IL15: variants seen among roughly 807,000 people sequenced by gnomAD.
IL15 encodes interleukin 15.
In IL15, 11 loss-of-function variants were observed where a neutral mutation model predicts 19.6. The ratio of observed to expected loss-of-function variants is 0.56; its 90% CI spans 0.35 to 0.93. The LOEUF is 0.93. Ranked by LOEUF, IL15 falls within the 40% of genes least tolerant of loss-of-function variation. The pLI is 0.01. For synonymous variants in IL15, 58 were observed against 59.6 expected (o/e 0.97, Z 0.12); for missense variants, 197 against 186.5 (o/e 1.06, Z -0.33).
intron 2 of IL15, among the ~76,000 whole-genome samples, chr4:141,669,776 AT>A (rs3075127): frequency 0.26 from 38,288 of 148,956 alleles, 5,068 homozygotes; most frequent in Admixed American, 0.35. Context: ...TATTCTTTGT[AT>A]TTTTTTTTTT....
At chr4:141,728,497 G>A (rs1315488366) in intron 6 of IL15, among the ~76,000 whole-genome samples, 1 of 152,062 alleles carries the variant, frequency 6.6e-6, no homozygotes, top group Non-Finnish European at 1.5e-5. Flanking sequence ...TATTAGAACT[G>A]AAAAATGGTC....
intron 2 of IL15, among the ~76,000 whole-genome samples, chr4:141,685,176 A>T (rs1465672344): frequency 6.6e-6 from 1 of 152,194 alleles, no homozygotes; most frequent in Non-Finnish European, 1.5e-5. Flanking sequence ...CAAAAGAGAG[A>T]GTCTCTATTT....
intron 1 of IL15, among the ~76,000 whole-genome samples, chr4:141,644,211 G>T (rs1169808689): frequency 6.6e-6 from 1 of 151,574 alleles, no homozygotes; most frequent in Non-Finnish European, 1.5e-5. Context: ...CTCCACTCCA[G>T]CCTGTTCTCA....
At chr4:141,706,803 G>A (rs1316169681) in intron 2 of IL15, among the ~76,000 whole-genome samples, 1 of 151,768 alleles carries the variant, frequency 6.6e-6, no homozygotes, top group Non-Finnish European at 1.5e-5. Flanking sequence ...CCTTTTGTAT[G>A]TGAGTTAATA....
Position 141,704,357 on chromosome 4 carries a change from A to ATACCATGCT in IL15, c.-99-14998_-99-14990dup, listed in dbSNP as rs1204595446. ...TACCATATTTATTGATTAGCTTGTT[A>ATACCATGCT]TACCATGCTTACCATGCTTGCATCT... is the stretch of plus-strand genomic sequence containing the variant. On this transcript the variant is annotated intron_variant, in intron 2 of 7. Coordinates refer to ENST00000320650, the MANE Select transcript of IL15 (RefSeq NM_000585.5). Among the ~76,000 whole-genome samples the ATACCATGCT allele has an allele frequency of 7.2e-5, 11 of 152,236 alleles. No individual in the cohort carries two copies. In the South Asian group the frequency reaches 2.3e-3, roughly 32 times the overall value.
chr4:141,729,053 A>T (rs1730363832), intron 6 of IL15, among the ~76,000 whole-genome samples: 1 of 152,112 alleles, frequency 6.6e-6, no homozygotes, highest in Admixed American at 6.6e-5. Flanking sequence ...TATTGCTGAT[A>T]TGGTGACAGT....
chr4:141,659,144 C>T (rs372099027), intron 2 of IL15, among the ~76,000 whole-genome samples: 4 of 149,484 alleles, frequency 2.7e-5, no homozygotes, highest in Admixed American at 6.7e-5. Context: ...CCACTGTCCC[C>T]GGCCTGTTTT....
At chr4:141,651,148 G>GTATATATACACACCATATA (rs1719063097) in intron 1 of IL15, among the ~76,000 whole-genome samples, 1 of 151,336 alleles carries the variant, frequency 6.6e-6, no homozygotes, top group Non-Finnish European at 1.5e-5. Context: ...GTGCGTGTGT[G>GTATATATACACACCATATA]TATATATACA....
At chr4:141,688,737 T>C (rs537012309) in intron 2 of IL15, 1 of 152,410 alleles carries the variant, frequency 6.6e-6, no homozygotes, top group South Asian at 2.1e-4. Context: ...CAGAGTCCTT[T>C]TGTTGATATC....
chr4:141,729,432 C>A (rs1396374624), intron 6 of IL15, among the ~76,000 whole-genome samples: 1 of 152,132 alleles, frequency 6.6e-6, no homozygotes, highest in African/African-American at 2.4e-5. Context: ...CTTGAAAGAA[C>A]AGTATAATTA....
At chr4:141,659,018 C>T (rs1010812489) in intron 2 of IL15, among the ~76,000 whole-genome samples, 11 of 151,790 alleles carry the variant, frequency 7.2e-5, no homozygotes, top group African/African-American at 2.2e-4. Flanking sequence ...TGCCACCGCG[C>T]CTGGCTAATT....
At chr4:141,672,104 A>G (rs547443664) in intron 2 of IL15, among the ~76,000 whole-genome samples, 1 of 152,348 alleles carries the variant, frequency 6.6e-6, no homozygotes, top group African/African-American at 2.4e-5. Flanking sequence ...GTCCTTCTAT[A>G]TAGTTCATAG....
chr4:141,662,179 T>A (rs1361906601), intron 2 of IL15, among the ~76,000 whole-genome samples: 1 of 152,248 alleles, frequency 6.6e-6, no homozygotes, highest in Non-Finnish European at 1.5e-5. Context: ...AGTTTTGCCA[T>A]TGAGTACAAT....
chr4:141,728,203 A>G (rs1730332443), intron 6 of IL15, among the ~76,000 whole-genome samples: 1 of 152,096 alleles, frequency 6.6e-6, no homozygotes, highest in Non-Finnish European at 1.5e-5. Context: ...TCAAAATATT[A>G]AAAGAGTCTT....
intron 5 of IL15, among the ~76,000 whole-genome samples, chr4:141,722,531 C>T (rs571308429): frequency 6.6e-6 from 1 of 152,256 alleles, no homozygotes; most frequent in East Asian, 1.9e-4. Flanking sequence ...AACTTGCATG[C>T]TAAATCCAAA....
chr4:141,687,183 C>T lies in IL15; in HGVS notation c.-100+30876C>T, dbSNP rs149907247. 1.9e-3 allele frequency among the ~76,000 whole-genome samples: 296 copies of T among 152,304 alleles called. 2 individuals carry two copies. Among genetic ancestry groups the T allele is most frequent in the African/African-American group, 6.9e-3 (287 of 41,560 alleles). On this transcript the variant is annotated intron_variant, in intron 2 of 7. Coordinates refer to ENST00000320650, the MANE Select transcript of IL15 (RefSeq NM_000585.5). The stretch of plus-strand genomic sequence containing the variant: ...GCCAGTGCCTTGGCAGTGGCTCCAT[C>T]CTGGCAGCCTCCTCTTGATTCCCCA...
chr4:141,719,293 T>G (rs1371449550), intron 2 of IL15, 73 bp from the exon 3 acceptor site: 1 of 498,800 alleles, frequency 2.0e-6, no homozygotes, highest in Non-Finnish European at 3.6e-6. Flanking sequence ...AGGTGTTCAA[T>G]AAGTATTAAT....
intron 6 of IL15, among the ~76,000 whole-genome samples, 176 bp from the exon 7 acceptor site, chr4:141,729,671 G>A (rs1037315738): frequency 1.2e-4 from 18 of 151,672 alleles, no homozygotes; most frequent in African/African-American, 4.4e-4. Flanking sequence ...GTTTGTTTTG[G>A]TTTTTATTTT....
At chr4:141,658,218 A>G (rs1727672582) in intron 2 of IL15, among the ~76,000 whole-genome samples, 1 of 152,168 alleles carries the variant, frequency 6.6e-6, no homozygotes, top group Admixed American at 6.5e-5. Flanking sequence ...GCCATGTAAC[A>G]CATGCCTGCT....
Sources: gnomAD v4.1 joint callset for allele counts (sites outside exome capture counted in the v4.1 genomes callset) on GRCh38, gnomAD v4.1.1 for gene constraint, MANE v1.5 for transcripts, NCBI Gene and HGNC (gene_info 2026-07-23, HGNC 2026-07-21) for gene names.